PDSS2: variants seen among roughly 807,000 people sequenced by gnomAD.
PDSS2 encodes all trans-polyprenyl-diphosphate synthase PDSS2.
A neutral mutation model predicts 44.5 loss-of-function variants in PDSS2; 31 were observed. The ratio of observed to expected loss-of-function variants is 0.70; its 90% confidence interval spans 0.52 to 0.94. The LOEUF (loss-of-function observed/expected upper bound fraction) is 0.94. Ranked by LOEUF, PDSS2 falls within the 40% of genes least tolerant of loss-of-function variation. The pLI is 0.00. For missense variants in PDSS2, 452 were observed against 482.2 expected, an observed-to-expected ratio of 0.94 and a Z score of 0.59; for synonymous variants, 157 against 180.3, an observed-to-expected ratio of 0.87 and a Z score of 1.03.
intron 2 of PDSS2, among the ~76,000 whole-genome samples, chr6:107,321,149 A>G (rs1777369219): frequency 6.6e-6 from 1 of 152,250 alleles, no homozygotes; most frequent in Non-Finnish European, 1.5e-5. Flanking sequence ...TTATATTTCT[A>G]TATTTATTAT....
chr6:107,174,603 A>G (rs963031249), intron 7 of PDSS2, among the ~76,000 whole-genome samples: 18 of 152,234 alleles, frequency 1.2e-4, no homozygotes, highest in Admixed American at 3.3e-4. Context: ...AGGAAAAGCT[A>G]CAGTTTTCTA....
At chr6:107,162,946 C>T (rs1322102915) in intron 7 of PDSS2, among the ~76,000 whole-genome samples, 2 of 152,136 alleles carry the variant, frequency 1.3e-5, no homozygotes, top group East Asian at 3.9e-4. Flanking sequence ...AACATTTAGT[C>T]CAGGTGTAAA....
intron 4 of PDSS2, among the ~76,000 whole-genome samples, chr6:107,221,769 A>G (rs2114683041): frequency 6.6e-6 from 1 of 152,278 alleles, no homozygotes; most frequent in Admixed American, 6.5e-5. Flanking sequence ...TACTCACATG[A>G]GAACAAACTG....
intron 2 of PDSS2, among the ~76,000 whole-genome samples, chr6:107,317,326 G>T (rs943960828): frequency 2.0e-5 from 3 of 152,122 alleles, no homozygotes; most frequent in Admixed American, 2.0e-4. Context: ...AACCAGATGT[G>T]GAGGAAACAT....
At chr6:107,203,245 AT>A in intron 6 of PDSS2, among the ~76,000 whole-genome samples, 1 of 152,078 alleles carries the variant, frequency 6.6e-6, no homozygotes, top group East Asian at 1.9e-4. Context: ...TAATGGCTTA[AT>A]TTTTTCTGTT....
At chr6:107,157,312 G>T (rs1770938004) in intron 7 of PDSS2, among the ~76,000 whole-genome samples, 1 of 151,914 alleles carries the variant, frequency 6.6e-6, no homozygotes, top group Non-Finnish European at 1.5e-5. Context: ...AGCCACCCGG[G>T]TAGCTGGGAA....
intron 4 of PDSS2, among the ~76,000 whole-genome samples, chr6:107,220,034 T>G (rs1364106524): frequency 6.6e-6 from 1 of 152,168 alleles, no homozygotes; most frequent in Non-Finnish European, 1.5e-5. Flanking sequence ...ATTTGTATAA[T>G]TCCATTGATG....
intron 1 of PDSS2, among the ~76,000 whole-genome samples, chr6:107,383,649 C>T (rs759539513): frequency 1.1e-4 from 16 of 151,936 alleles, no homozygotes; most frequent in Admixed American, 4.6e-4. Flanking sequence ...AAAAAATGGG[C>T]AAAGATATAC....
At chr6:107,180,324 T>G (rs971029637) in intron 7 of PDSS2, among the ~76,000 whole-genome samples, 3 of 152,166 alleles carry the variant, frequency 2.0e-5, no homozygotes, top group Admixed American at 1.3e-4. Context: ...CATTTCTAGT[T>G]AGCTTTCCAG....
chr6:107,397,059 G>A (rs890908235), intron 1 of PDSS2, among the ~76,000 whole-genome samples: 10 of 152,046 alleles, frequency 6.6e-5, no homozygotes, highest in Non-Finnish European at 1.5e-5. Context: ...GCTTTAGTTA[G>A]ATTCTGCTCA....
At chr6:107,206,070 A>G (rs1388102258) in intron 6 of PDSS2, among the ~76,000 whole-genome samples, 1 of 152,164 alleles carries the variant, frequency 6.6e-6, no homozygotes, top group Admixed American at 6.5e-5. Flanking sequence ...TAAAACTTGT[A>G]AAAGTTTCTT....
chr6:107,426,030 C>T (rs559291920), intron 1 of PDSS2, among the ~76,000 whole-genome samples: 1 of 151,590 alleles, frequency 6.6e-6, no homozygotes, highest in East Asian at 1.9e-4. Context: ...GCACATGTAA[C>T]AAGGAGCCAA....
chr6:107,204,652 C>G (rs1373753142), intron 6 of PDSS2, among the ~76,000 whole-genome samples: 1 of 152,174 alleles, frequency 6.6e-6, no homozygotes, highest in Non-Finnish European at 1.5e-5. Flanking sequence ...TCTTTAAGGA[C>G]TATCTCACAT....
intron 7 of PDSS2, among the ~76,000 whole-genome samples, chr6:107,155,102 C>G (rs1554245320): frequency 1.3e-5 from 2 of 151,088 alleles, no homozygotes; most frequent in African/African-American, 4.9e-5. Flanking sequence ...AGGGCATTTA[C>G]ATCTCTGGCA....
At chr6:107,458,422 A>AAAAAAAAAC (rs1289052029) in intron 1 of PDSS2, among the ~76,000 whole-genome samples, 3 of 150,102 alleles carry the variant, frequency 2.0e-5, no homozygotes, top group African/African-American at 7.3e-5. Context: ...CAAAAAAAAA[A>AAAAAAAAAC]AAAAAAAAAA....
chr6:107,434,930 T>G (rs1346592743), intron 1 of PDSS2, among the ~76,000 whole-genome samples: 1 of 152,060 alleles, frequency 6.6e-6, no homozygotes, highest in Admixed American at 6.6e-5. Context: ...ACACTTACTA[T>G]GTACTCATAA....
chr6:107,199,524 T>C (rs575949272), intron 6 of PDSS2, among the ~76,000 whole-genome samples: 2 of 152,356 alleles, frequency 1.3e-5, no homozygotes, highest in South Asian at 4.1e-4. Flanking sequence ...GGTCTCGAAC[T>C]CCTGGATGCA....
At chr6:107,160,647 C>T (rs1256420930) in intron 7 of PDSS2, among the ~76,000 whole-genome samples, 1 of 151,340 alleles carries the variant, frequency 6.6e-6, no homozygotes, top group Non-Finnish European at 1.5e-5. Flanking sequence ...GTCACCTCGG[C>T]CAGTTGATGT....
At chr6:107,436,130 T>C (rs1248744141) in intron 1 of PDSS2, among the ~76,000 whole-genome samples, 2 of 152,220 alleles carry the variant, frequency 1.3e-5, no homozygotes, top group African/African-American at 4.8e-5. Flanking sequence ...GTATAGCTAC[T>C]TTTGGGAAAA....
Sources: allele counts gnomAD v4.1 joint callset (sites outside exome capture counted in the v4.1 genomes callset), GRCh38; gene constraint gnomAD v4.1.1; transcripts MANE v1.5; gene names NCBI Gene and HGNC (gene_info 2026-07-23, HGNC 2026-07-21).